The following FDFT1 variants were observed in gnomAD, a reference collection of about 807,000 sequenced individuals.
The protein encoded by FDFT1 is farnesyl-diphosphate farnesyltransferase 1.
In FDFT1, 68 loss-of-function variants were observed where a neutral mutation model predicts 46.8. The ratio of observed to expected loss-of-function variants is 1.45; its 90% CI spans 1.19 to 1.78. The LOEUF (loss-of-function observed/expected upper bound fraction) is 1.78. Ranked by LOEUF, FDFT1 falls within the 40% of genes most tolerant of loss-of-function variation. The pLI, the probability that FDFT1 is intolerant of heterozygous loss-of-function variation, is 0.00. For synonymous variants in FDFT1, 351 were observed against 185.1 expected (o/e 1.90, Z -7.28); for missense variants, 928 against 524.4 (o/e 1.77, Z -7.52).
At chr8:11,811,375 T>A (rs1164367766) in intron 3 of FDFT1, among the ~76,000 whole-genome samples, 1 of 152,198 alleles carries the variant, frequency 6.6e-6, no homozygotes, top group Non-Finnish European at 1.5e-5. Flanking sequence ...AACAGCCAAA[T>A]TACATTTGAC....
At chr8:11,819,746 C>T (rs1179080617) in intron 3 of FDFT1, among the ~76,000 whole-genome samples, 1 of 152,048 alleles carries the variant, frequency 6.6e-6, no homozygotes, top group Non-Finnish European at 1.5e-5. Context: ...GCCATTTGTC[C>T]AACCTTTTCT....
chr8:11,836,295 CCT>C (rs1811529437), intron 7 of FDFT1, among the ~76,000 whole-genome samples: 1 of 152,178 alleles, frequency 6.6e-6, no homozygotes, highest in Non-Finnish European at 1.5e-5. Context: ...TGTGTGAGAC[CCT>C]GTGTGTCACT....
chr8:11,801,727 TCTGTTGGC>T (rs1585839693), upstream of FDFT1: 1 of 318,002 alleles, frequency 3.1e-6, no homozygotes, highest in East Asian at 9.4e-5. Context: ...GTAGTCTTGC[TCTGTTGGC>T]CTGGCTGGAG....
At chr8:11,816,766 A>C (rs533186413) in intron 3 of FDFT1, among the ~76,000 whole-genome samples, 9 of 152,258 alleles carry the variant, frequency 5.9e-5, no homozygotes, top group African/African-American at 2.2e-4. Flanking sequence ...AAGGAGATTT[A>C]GGGCTGAGAC....
chr8:11,831,773 C>G, intron 7 of FDFT1, 103 bp downstream of exon 7: 2 of 987,662 alleles, frequency 2.0e-6, no homozygotes, highest in South Asian at 2.8e-5. Context: ...TAACAATTCA[C>G]TATCCTGTGG....
chr8:11,817,160 G>A (rs945405555), intron 3 of FDFT1, among the ~76,000 whole-genome samples: 33 of 152,330 alleles, frequency 2.2e-4, no homozygotes, highest in Admixed American at 5.9e-4. Context: ...CTGTTTATGT[G>A]ATGGATGATG....
At chr8:11,800,039 A>G (rs1268074977), upstream of FDFT1, among the ~76,000 whole-genome samples, 1 of 138,454 alleles carries the variant, frequency 7.2e-6, no homozygotes, top group South Asian at 2.3e-4. Context: ...AGGAGGGTGG[A>G]TCATGAGGTC....
At chr8:11,826,796 C>G (rs751356919) in intron 5 of FDFT1, among the ~76,000 whole-genome samples, 9 of 152,192 alleles carry the variant, frequency 5.9e-5, no homozygotes, top group Non-Finnish European at 1.0e-4. Context: ...GCCTGGGCGA[C>G]AGAGTGAGAC....
intron 5 of FDFT1, among the ~76,000 whole-genome samples, chr8:11,828,010 T>C (rs1810243107): frequency 1.3e-5 from 2 of 152,182 alleles, no homozygotes; most frequent in African/African-American, 4.8e-5. Context: ...GAGAACAGCC[T>C]GGCCAACATG....
chr8:11,814,582 A>G (rs916663094), intron 3 of FDFT1, among the ~76,000 whole-genome samples: 1 of 152,134 alleles, frequency 6.6e-6, no homozygotes, highest in African/African-American at 2.4e-5. Flanking sequence ...TTTGTATTGT[A>G]TTTTGCTAAC....
At chr8:11,809,379 G>C in intron 2 of FDFT1, 1 of 1,153,670 alleles carries the variant, frequency 8.7e-7, no homozygotes, top group Non-Finnish European at 1.1e-6. Context: ...TAAACGTTTG[G>C]TCTTCTGGTC....
At chr8:11,837,095 G>C (rs6995787) in intron 7 of FDFT1, among the ~76,000 whole-genome samples, 30,080 of 152,304 alleles carry the variant, frequency 0.2, 3,385 homozygotes, top group East Asian at 0.49. Flanking sequence ...TCCTGAAGTT[G>C]AGACTTGGGG....
intron 7 of FDFT1, among the ~76,000 whole-genome samples, chr8:11,832,886 G>C (rs923155535): frequency 2.6e-5 from 4 of 152,112 alleles, no homozygotes; most frequent in Admixed American, 2.0e-4. Context: ...CTCTGTTCAT[G>C]GTTTTGTGCA....
At chr8:11,797,765 G>T (rs374176089), upstream of FDFT1, among the ~76,000 whole-genome samples, 1 of 152,256 alleles carries the variant, frequency 6.6e-6, no homozygotes, top group East Asian at 1.9e-4. Flanking sequence ...TGTAATGGAG[G>T]CGTGGCAGGT....
At chr8:11,812,160 A>G (rs1452796640) in intron 3 of FDFT1, among the ~76,000 whole-genome samples, 1 of 152,186 alleles carries the variant, frequency 6.6e-6, no homozygotes, top group Admixed American at 6.5e-5. Flanking sequence ...GGGGTGAGGG[A>G]TCACTGGGGC....
chr8:11,838,269 C>T (rs1811813472), intron 7 of FDFT1, 119 bp from the exon 8 acceptor site: 1 of 759,042 alleles, frequency 1.3e-6, no homozygotes, highest in Non-Finnish European at 2.3e-6. Context: ...GTTCTCTGAG[C>T]CTCCCTTTCC....
chr8:11,799,448 C>CT (rs1272716624), upstream of FDFT1, among the ~76,000 whole-genome samples: 3 of 152,232 alleles, frequency 2.0e-5, no homozygotes, highest in African/African-American at 7.2e-5. Context: ...GGGTGCCTGA[C>CT]TTCACCATTG....
intron 4 of FDFT1, among the ~76,000 whole-genome samples, chr8:11,824,786 A>G (rs1342308736): frequency 6.6e-6 from 1 of 151,976 alleles, no homozygotes; most frequent in Admixed American, 6.6e-5. Flanking sequence ...CCCAGGCTGG[A>G]GTGCAGTGGC....
intron 7 of FDFT1, among the ~76,000 whole-genome samples, chr8:11,835,549 G>A (rs1025181956): frequency 6.6e-6 from 1 of 152,174 alleles, no homozygotes; most frequent in Non-Finnish European, 1.5e-5. Context: ...AAGTGCTCTT[G>A]GAGTTCTCTA....
Sources: gnomAD v4.1 joint callset for allele counts (sites outside exome capture counted in the v4.1 genomes callset) on GRCh38, gnomAD v4.1.1 for gene constraint, MANE v1.5 for transcripts, NCBI Gene and HGNC (gene_info 2026-07-23, HGNC 2026-07-21) for gene names.